The following CTNND2 variants were observed in gnomAD, a reference collection of about 807,000 sequenced individuals.
The protein encoded by CTNND2 is catenin delta-2.
In CTNND2, 22 loss-of-function variants were observed where a neutral mutation model predicts 144.4. The observed-to-expected ratio is 0.15, with a 90% CI of 0.11 to 0.22. The LOEUF (loss-of-function observed/expected upper bound fraction) is 0.22. CTNND2 is among the 10% of genes least tolerant of loss of function. CTNND2 has a pLI of 1.00. For missense variants in CTNND2, 1,353 were observed against 1,618.8 expected (o/e 0.84, Z 2.82); for synonymous variants, 751 against 695.6 (o/e 1.08, Z -1.25).
chr5:11,857,393 G>C (rs1256348016), intron 1 of CTNND2, among the ~76,000 whole-genome samples: 2 of 152,192 alleles, frequency 1.3e-5, no homozygotes, highest in Non-Finnish European at 2.9e-5. Context: ...ATGACAATGA[G>C]GCTGGAGCAC....
At chr5:11,280,521 C>T (rs1366320743) in intron 9 of CTNND2, among the ~76,000 whole-genome samples, 4 of 152,186 alleles carry the variant, frequency 2.6e-5, no homozygotes, top group Admixed American at 6.5e-5. Context: ...AACTCTATTT[C>T]CTCCTCTTTT....
At chr5:11,622,747 T>TTCATTTATA (rs1225455165) in intron 2 of CTNND2, among the ~76,000 whole-genome samples, 1 of 152,174 alleles carries the variant, frequency 6.6e-6, no homozygotes, top group African/African-American at 2.4e-5. Context: ...TTCTGAAGTA[T>TTCATTTATA]TCATTTATAT....
At chr5:11,284,683 T>G (rs963148374) in intron 9 of CTNND2, among the ~76,000 whole-genome samples, 3 of 152,242 alleles carry the variant, frequency 2.0e-5, no homozygotes, top group Non-Finnish European at 2.9e-5. Context: ...TTTGGGTTGA[T>G]TCCATGTCTT....
At chr5:11,349,308 A>T (rs1434233391) in intron 8 of CTNND2, among the ~76,000 whole-genome samples, 1 of 152,172 alleles carries the variant, frequency 6.6e-6, no homozygotes, top group Non-Finnish European at 1.5e-5. Flanking sequence ...CAGACTATAT[A>T]GCTCCTTTTG....
chr5:11,381,836 G>A (rs1054464146), intron 7 of CTNND2, among the ~76,000 whole-genome samples: 1 of 152,028 alleles, frequency 6.6e-6, no homozygotes, highest in East Asian at 1.9e-4. Flanking sequence ...GCGTGGTGGC[G>A]GGCACCTGTA....
At chr5:11,196,729 C>T (rs895186538) in intron 11 of CTNND2, among the ~76,000 whole-genome samples, 3 of 152,192 alleles carry the variant, frequency 2.0e-5, no homozygotes, top group Non-Finnish European at 4.4e-5. Flanking sequence ...TCAGGCCTAT[C>T]GCTTTAAATA....
intron 2 of CTNND2, among the ~76,000 whole-genome samples, chr5:11,688,489 T>G (rs973549476): frequency 1.3e-5 from 2 of 152,250 alleles, no homozygotes; most frequent in Non-Finnish European, 2.9e-5. Flanking sequence ...GTTTGAATTC[T>G]CAGCACTTTC....
At chr5:11,868,702 T>A (rs1020954913) in intron 1 of CTNND2, among the ~76,000 whole-genome samples, 3 of 152,058 alleles carry the variant, frequency 2.0e-5, no homozygotes, top group African/African-American at 7.2e-5. Flanking sequence ...AATAGATTAA[T>A]GAGTTACCAT....
chr5:10,998,783 T>C (rs1739616667), intron 18 of CTNND2, among the ~76,000 whole-genome samples: 1 of 152,246 alleles, frequency 6.6e-6, no homozygotes, highest in Admixed American at 6.5e-5. Context: ...TCATAGCACA[T>C]TGTATTAACA....
At chr5:11,634,083 C>G (rs1003346356) in intron 2 of CTNND2, among the ~76,000 whole-genome samples, 1 of 152,182 alleles carries the variant, frequency 6.6e-6, no homozygotes, top group Non-Finnish European at 1.5e-5. Context: ...TATCCAGCCA[C>G]CCCAATTTCA....
At chr5:11,227,392 C>A (rs746575759) in intron 10 of CTNND2, among the ~76,000 whole-genome samples, 30 of 152,176 alleles carry the variant, frequency 2.0e-4, no homozygotes, top group Non-Finnish European at 3.8e-4. Flanking sequence ...GGTTCAAATG[C>A]AGGCAGCCTG....
chr5:10,991,824 A>C (rs546986296), intron 19 of CTNND2, among the ~76,000 whole-genome samples: 4 of 152,258 alleles, frequency 2.6e-5, no homozygotes, highest in Non-Finnish European at 5.9e-5. Context: ...CTATGTGTCA[A>C]ATGTATATCA....
intron 9 of CTNND2, among the ~76,000 whole-genome samples, chr5:11,275,784 T>C (rs1457413906): frequency 2.6e-5 from 4 of 152,234 alleles, no homozygotes; most frequent in Non-Finnish European, 5.9e-5. Flanking sequence ...ATCAGGATTC[T>C]ATTTTGTGCC....
chr5:11,742,319 T>C (rs1788064018), intron 1 of CTNND2, among the ~76,000 whole-genome samples: 1 of 152,156 alleles, frequency 6.6e-6, no homozygotes, highest in South Asian at 2.1e-4. Context: ...GAAACATTTA[T>C]AACTCTTCTC....
intron 1 of CTNND2, among the ~76,000 whole-genome samples, chr5:11,829,655 C>T (rs1201431701): frequency 1.3e-5 from 2 of 152,232 alleles, no homozygotes; most frequent in African/African-American, 4.8e-5. Flanking sequence ...CAGTAGTTTG[C>T]TACAGAGGCA....
At chr5:11,806,830 A>T (rs985017171) in intron 1 of CTNND2, among the ~76,000 whole-genome samples, 11 of 152,138 alleles carry the variant, frequency 7.2e-5, no homozygotes, top group Non-Finnish European at 1.6e-4. Flanking sequence ...TGATCTTAAA[A>T]AAAAGATGAG....
At chr5:11,140,818 T>C (rs1756655415) in intron 12 of CTNND2, among the ~76,000 whole-genome samples, 4 of 152,224 alleles carry the variant, frequency 2.6e-5, no homozygotes, top group Admixed American at 1.3e-4. Flanking sequence ...ATTCTAGATT[T>C]ATTAAAAAAA....
At chr5:11,430,021 G>T (rs998090156) in intron 3 of CTNND2, among the ~76,000 whole-genome samples, 5 of 152,082 alleles carry the variant, frequency 3.3e-5, no homozygotes, top group African/African-American at 1.2e-4. Context: ...GGAGGCCGAG[G>T]TGGGTGGATC....
intron 2 of CTNND2, among the ~76,000 whole-genome samples, chr5:11,585,443 T>TTA (rs1778777244): frequency 6.6e-6 from 1 of 151,718 alleles, no homozygotes; most frequent in Admixed American, 6.6e-5. Context: ...CTATATTTAT[T>TTA]TATATATATA....
Sources: gnomAD v4.1 joint callset for allele counts (sites outside exome capture counted in the v4.1 genomes callset) on GRCh38, gnomAD v4.1.1 for gene constraint, MANE v1.5 for transcripts, NCBI Gene and HGNC (gene_info 2026-07-23, HGNC 2026-07-21) for gene names.